The following RUFY1 variants were observed in gnomAD, a reference collection of about 807,000 sequenced individuals.
The protein encoded by RUFY1 is RUN and FYVE domain-containing protein 1.
RUFY1 carries 54 observed loss-of-function variants against 94.6 expected under a neutral mutation model. That is an observed-to-expected ratio of 0.57 (90% CI 0.46 to 0.72). RUFY1 has a LOEUF of 0.72. RUFY1 is among the 30% of genes least tolerant of loss of function. The probability of loss-of-function intolerance (pLI) is 0.00; values close to 1 mark genes in which losing one functional copy is unlikely to be tolerated. For missense variants in RUFY1, 883 were observed against 883.9 expected, an observed-to-expected ratio of 1.00 and a Z score of 0.01; for synonymous variants, 396 against 347.3, an observed-to-expected ratio of 1.14 and a Z score of -1.56.
intron 17 of RUFY1, among the ~76,000 whole-genome samples, chr5:179,609,042 A>G (rs569835335): frequency 1.3e-5 from 2 of 151,770 alleles, no homozygotes; most frequent in African/African-American, 4.8e-5. Flanking sequence ...ACATGGTGAA[A>G]CCCCGTCTCT....
At chr5:179,601,163 C>CT (rs146328821) in intron 14 of RUFY1, among the ~76,000 whole-genome samples, 4,192 of 150,626 alleles carry the variant, frequency 0.028, 202 homozygotes, top group African/African-American at 0.096. Flanking sequence ...GCATTTTGCT[C>CT]TTTTTTTTGG....
Position 179,591,633 on chromosome 5 carries a change from A to C in RUFY1, c.1137A>C (p.Lys379Asn), listed in dbSNP as rs746972460. 1 of 1,608,812 alleles carries C rather than the reference A, an allele frequency of 6.2e-7. No individual in the cohort carries two copies. Among genetic ancestry groups the C allele is most frequent in the Non-Finnish European group, 8.5e-7 (1 of 1,176,402 alleles). The part of the protein sequence containing the change: ...ERSEKSVEIT[K>N]QDTKVELETY... ...GTCCTTGTTTGATACAGATAACAAA[A>C]CAGGATACCAAAGTTGAGCTGGAGA... The change falls in exon 10 of 18, where the codon AAA becomes AAC. Residue 379 changes from lysine to asparagine, a missense_variant. Transcript: ENST00000319449.
chr5:179,591,943 T>G (rs1208394301), intron 10 of RUFY1, among the ~76,000 whole-genome samples: 2 of 151,814 alleles, frequency 1.3e-5, no homozygotes, highest in African/African-American at 2.4e-5. Flanking sequence ...AAATATTTTT[T>G]GTTTGTTTGG....
intron 1 of RUFY1, among the ~76,000 whole-genome samples, chr5:179,552,209 C>A (rs1761900465): frequency 6.7e-6 from 1 of 149,156 alleles, no homozygotes; most frequent in Non-Finnish European, 1.5e-5. Flanking sequence ...ATTACAGCGG[C>A]CACATTTTAA....
chr5:179,604,208 G>C (rs926685573), intron 15 of RUFY1, among the ~76,000 whole-genome samples: 8 of 152,192 alleles, frequency 5.3e-5, no homozygotes, highest in Admixed American at 5.2e-4. Context: ...TGCAAACCCA[G>C]ACAGGACTAC....
At chr5:179,586,629 CCCT>C (rs1418564038) in intron 8 of RUFY1, among the ~76,000 whole-genome samples, 2 of 152,174 alleles carry the variant, frequency 1.3e-5, no homozygotes, top group Non-Finnish European at 2.9e-5. Flanking sequence ...GTGTAAGCCT[CCCT>C]TAAAGCTGAC....
At position 179,596,545 on chromosome 5, in the gene RUFY1, G is replaced by A. The variant is rs367892316; in HGVS notation, c.1512-17G>A. ...AAAGATTTGCTTCATTTGCACTCTT[G>A]CTGGTGTCGCATCCAGGTTGCAGCA... On this transcript the variant is annotated splice_polypyrimidine_tract_variant and intron_variant, in intron 12 of 17. Coordinates refer to ENST00000319449, the MANE Select transcript of RUFY1 (RefSeq NM_025158.5). The A allele has an allele frequency of 1.8e-5, 29 of 1,613,592 alleles. No homozygotes were observed. The highest frequency in any genetic ancestry group is 2.4e-5 in the Non-Finnish European group (28 of 1,179,998).
At chr5:179,565,511 T>C (rs771661089) in intron 3 of RUFY1, among the ~76,000 whole-genome samples, 2 of 152,156 alleles carry the variant, frequency 1.3e-5, no homozygotes, top group Non-Finnish European at 2.9e-5. Flanking sequence ...GTGAAGATAT[T>C]GCCCATTCAA....
rs759057875 is a variant in RUFY1, at chr5:179,609,388, A to C, written c.1996A>C (p.Asn666His). The change falls in exon 18 of 18, where the codon AAC becomes CAC. Residue 666 changes from asparagine to histidine, a missense_variant. Coordinates refer to ENST00000319449, the MANE Select transcript of RUFY1 (RefSeq NM_025158.5). ...SISRRKHHCR[N>H]CGHIFCNTCS... The stretch of plus-strand genomic sequence containing the variant: ...TCCCGTCCTGTAGCACCACTGCCGG[A>C]ACTGTGGCCACATCTTCTGCAACAC... 8.1e-6 allele frequency: 13 copies of C among 1,613,314 alleles called. No homozygotes were observed. Among genetic ancestry groups the C allele is most frequent in the South Asian group, 7.7e-5 (7 of 91,054 alleles).
intron 13 of RUFY1, among the ~76,000 whole-genome samples, chr5:179,597,673 A>G (rs548643480): frequency 6.6e-6 from 1 of 152,290 alleles, no homozygotes; most frequent in African/African-American, 2.4e-5. Flanking sequence ...TGCCTGGCCT[A>G]TAGATTTTTT....
intron 1 of RUFY1, among the ~76,000 whole-genome samples, chr5:179,554,443 G>GGAGAATCT (rs1762012655): frequency 6.6e-6 from 1 of 152,000 alleles, no homozygotes; most frequent in African/African-American, 2.4e-5. Flanking sequence ...GGCTGAGGCA[G>GGAGAATCT]GAGAATCTCT....
intron 13 of RUFY1, chr5:179,596,941 T>C: frequency 2.2e-6 from 1 of 449,744 alleles, no homozygotes; most frequent in Non-Finnish European, 3.9e-6. Flanking sequence ...TCACAGCCTG[T>C]ATCACCCTTA....
At chr5:179,564,106 G>A (rs990826473) in intron 3 of RUFY1, among the ~76,000 whole-genome samples, 6 of 144,242 alleles carry the variant, frequency 4.2e-5, no homozygotes, top group East Asian at 2.1e-4. Context: ...CACAGACGGC[G>A]TCCTGATGTT....
rs182293539 is a variant in RUFY1, at chr5:179,583,390, G to A, written c.956+2378G>A. 5.1e-3 allele frequency among the ~76,000 whole-genome samples: 682 copies of A among 134,050 alleles called. 5 individuals carry two copies. Among genetic ancestry groups the A allele is most frequent in the African/African-American group, 0.018 (629 of 35,670 alleles). The allele number at this position is 134,050 out of a possible 152,430, so 87.9% of individuals were successfully genotyped here. A position where few individuals can be genotyped will look rare whatever the true frequency, so the allele number is the denominator to read the frequency against. On this transcript the variant is annotated intron_variant, in intron 7 of 17. Transcript: ENST00000319449. ...TTAGTTCATCTGGGTTTTCTTTTGA[G>A]GATATATCTTTTCTCATATAAATAT...
intron 1 of RUFY1, chr5:179,555,701 C>T (rs142843696): frequency 5.6e-4 from 219 of 389,922 alleles, no homozygotes; most frequent in African/African-American, 4.6e-3. Context: ...GATCTCGGGT[C>T]ACGGCAACCT....
At chr5:179,592,970 G>C (rs1765236468) in intron 10 of RUFY1, among the ~76,000 whole-genome samples, 1 of 152,194 alleles carries the variant, frequency 6.6e-6, no homozygotes, top group Non-Finnish European at 1.5e-5. Flanking sequence ...TTGATGTGGA[G>C]TCAGCTTTAA....
intron 15 of RUFY1, among the ~76,000 whole-genome samples, chr5:179,603,312 G>T (rs1434835183): frequency 6.6e-6 from 1 of 151,816 alleles, no homozygotes. Flanking sequence ...TGTCTCTGGT[G>T]GGAATGCGGT....
chr5:179,593,185 C>T (rs1765254384), intron 10 of RUFY1, among the ~76,000 whole-genome samples: 1 of 152,170 alleles, frequency 6.6e-6, no homozygotes, highest in African/African-American at 2.4e-5. Flanking sequence ...AAGCAATCCT[C>T]CTGCCTCAGC....
At chr5:179,559,174 T>A (rs924824920) in intron 1 of RUFY1, among the ~76,000 whole-genome samples, 1 of 152,244 alleles carries the variant, frequency 6.6e-6, no homozygotes, top group African/African-American at 2.4e-5. Flanking sequence ...TACTTTGGGA[T>A]CTAAACTTTT....
Sources: allele counts gnomAD v4.1 joint callset (sites outside exome capture counted in the v4.1 genomes callset), GRCh38; gene constraint gnomAD v4.1.1; transcripts MANE v1.5; gene names NCBI Gene and HGNC (gene_info 2026-07-23, HGNC 2026-07-21).